ATPSCKMT: variants seen among roughly 807,000 people sequenced by gnomAD.
ATPSCKMT encodes the protein ATP synthase c subunit lysine N-methyltransferase.
In ATPSCKMT, 24 loss-of-function variants were observed where a neutral mutation model predicts 24.3. The ratio of observed to expected loss-of-function variants is 0.99; its 90% CI spans 0.71 to 1.39. The LOEUF is 1.39. ATPSCKMT is among the 40% of genes most tolerant of loss of function. ATPSCKMT has a pLI of 0.00. For missense variants in ATPSCKMT, 311 were observed against 298.4 expected (o/e 1.04, Z -0.31); for synonymous variants, 95 against 110.5 (o/e 0.86, Z 0.88).
At chr5:10,233,606 T>C (rs1384020030) in intron 4 of ATPSCKMT, among the ~76,000 whole-genome samples, 1 of 150,372 alleles carries the variant, frequency 6.7e-6, no homozygotes, top group African/African-American at 2.5e-5. Flanking sequence ...GTCAGTCTAC[T>C]TCAAACATGG....
At position 10,239,215 on chromosome 5, in the gene ATPSCKMT, G is replaced by C. The variant is rs762692068; in HGVS notation, c.158C>G (p.Ala53Gly). Residue 53 changes from alanine to glycine, a missense_variant, in exon 2 of 5, where the codon GCT (alanine) becomes GGT (glycine). Coordinates refer to ENST00000511437, the MANE Select transcript of ATPSCKMT (RefSeq NM_199133.4). The stretch of plus-strand genomic sequence containing the variant: ...TGGCGTTACAAACGGCGTGGCTACA[G>C]CGTACACAGCCACCAGGGTGCCACC... Reference protein sequence around the residue: ...LVGGTLVAVYAVATPFVTPAL... With the variant: ...LVGGTLVAVYGVATPFVTPAL... 1.4e-5 allele frequency: 23 copies of C among 1,614,096 alleles called. No homozygotes were observed. In the South Asian group the frequency reaches 2.4e-4, roughly 17 times the overall value.
At chr5:10,244,033 G>T (rs1457275337) in intron 1 of ATPSCKMT, among the ~76,000 whole-genome samples, 1 of 152,126 alleles carries the variant, frequency 6.6e-6, no homozygotes, top group African/African-American at 2.4e-5. Flanking sequence ...TGAACACCTG[G>T]AGCCCATTGT....
chr5:10,243,300 A>G (rs1221599962), intron 1 of ATPSCKMT, among the ~76,000 whole-genome samples: 1 of 152,150 alleles, frequency 6.6e-6, no homozygotes, highest in Non-Finnish European at 1.5e-5. Flanking sequence ...TCTGACCAAC[A>G]TGGTGAAGCC....
chr5:10,247,461 C>T (rs1744986404), intron 1 of ATPSCKMT, among the ~76,000 whole-genome samples: 1 of 152,212 alleles, frequency 6.6e-6, no homozygotes, highest in African/African-American at 2.4e-5. Context: ...CCACTTCAGC[C>T]TCCCAGGTAG....
At chr5:10,241,379 T>C (rs1476327573) in intron 1 of ATPSCKMT, among the ~76,000 whole-genome samples, 1 of 152,196 alleles carries the variant, frequency 6.6e-6, no homozygotes, top group Non-Finnish European at 1.5e-5. Context: ...ACCCATGAAC[T>C]ACGGCAATCT....
chr5:10,235,114 G>C (rs778212047), intron 4 of ATPSCKMT, 97 bp downstream of exon 4: 1 of 1,025,484 alleles, frequency 9.8e-7, no homozygotes, highest in African/African-American at 1.6e-5. Flanking sequence ...ATCTCTGGGA[G>C]GCCATCACCC....
At chr5:10,228,146 C>T (rs1743966447) in intron 4 of ATPSCKMT, among the ~76,000 whole-genome samples, 1 of 152,064 alleles carries the variant, frequency 6.6e-6, no homozygotes, top group African/African-American at 2.4e-5. Context: ...CGCCCAGCCA[C>T]ATTTTTGCAC....
At position 10,239,246 on chromosome 5, in the gene ATPSCKMT, G is replaced by A; in HGVS notation, c.127C>T (p.Leu43Phe). Residue 43 changes from leucine to phenylalanine, a missense_variant, in exon 2 of 5, where the codon CTT (leucine) becomes TTT (phenylalanine). By Grantham distance (22) the Leu-to-Phe change is conservative (BLOSUM62 0). Transcript: ENST00000511437. Reference protein sequence around the residue: ...KSNWGFLLTGLVGGTLVAVYA... With the variant: ...KSNWGFLLTGFVGGTLVAVYA... ...ACAGCCACCAGGGTGCCACCCACAA[G>A]CCCAGTAAGTAAGAACCCCCAGTTG... is the stretch of plus-strand genomic sequence containing the variant. 1 of 1,614,188 alleles carries A rather than the reference G, an allele frequency of 6.2e-7. No individual in the cohort carries two copies. Among genetic ancestry groups the A allele is most frequent in the Non-Finnish European group, 8.5e-7 (1 of 1,180,046 alleles).
At chr5:10,240,694 C>T (rs1237606277) in intron 1 of ATPSCKMT, among the ~76,000 whole-genome samples, 1 of 152,078 alleles carries the variant, frequency 6.6e-6, no homozygotes, top group African/African-American at 2.4e-5. Context: ...AAATTAGTGG[C>T]TTAAAATAAC....
At chr5:10,247,314 A>G (rs1303974438) in intron 1 of ATPSCKMT, among the ~76,000 whole-genome samples, 1 of 152,228 alleles carries the variant, frequency 6.6e-6, no homozygotes, top group Non-Finnish European at 1.5e-5. Flanking sequence ...CAATATAGGA[A>G]CTACATTGTT....
At chr5:10,232,548 G>A (rs1467912810) in intron 4 of ATPSCKMT, among the ~76,000 whole-genome samples, 2 of 152,238 alleles carry the variant, frequency 1.3e-5, no homozygotes, top group Non-Finnish European at 2.9e-5. Context: ...GCTGGAGCTC[G>A]CCTCATTGTC....
At chr5:10,249,269 A>C (rs1363785124) in intron 1 of ATPSCKMT, 1 of 152,022 alleles carries the variant, frequency 6.6e-6, no homozygotes, top group Non-Finnish European at 1.5e-5. Context: ...CTCAAAAAAA[A>C]AAAAAAAAAA....
intron 4 of ATPSCKMT, among the ~76,000 whole-genome samples, chr5:10,228,469 G>A (rs906685): frequency 0.93 from 141,039 of 152,264 alleles, 65,471 homozygotes; most frequent in Middle Eastern, 0.99. Context: ...TTATTTGCTA[G>A]AAGTATTGAT....
rs1743843721 is a variant in ATPSCKMT, at chr5:10,225,592, G to A, written c.*1849C>T. ...GAATGGTAGTAGGCAAAAAGAGCTT[G>A]TGCAGGAAAACTCCCCCCTAAAATA... On this transcript the variant is annotated 3_prime_UTR_variant, in exon 5 of 5. Transcript: ENST00000511437. Among the ~76,000 whole-genome samples, 1 of 152,118 alleles carries A rather than the reference G, an allele frequency of 6.6e-6. No homozygotes were observed. The highest frequency in any genetic ancestry group is 6.6e-5 in the Admixed American group (1 of 15,260).
chr5:10,235,140 G>C (rs377144445), intron 4 of ATPSCKMT, 71 bp downstream of exon 4: 10 of 1,396,308 alleles, frequency 7.2e-6, no homozygotes, highest in Middle Eastern at 1.8e-4. Context: ...CGGGTGAGTG[G>C]TGGTGTTGTG....
chr5:10,236,965 T>C, intron 2 of ATPSCKMT: 1 of 1,320,562 alleles, frequency 7.6e-7, no homozygotes, highest in East Asian at 5.0e-5. Flanking sequence ...ATCAGTGGGC[T>C]AGCACAGCAG....
intron 1 of ATPSCKMT, among the ~76,000 whole-genome samples, chr5:10,242,144 A>G (rs1744673174): frequency 6.6e-6 from 1 of 152,178 alleles, no homozygotes; most frequent in African/African-American, 2.4e-5. Context: ...AAAATAAGAC[A>G]ACAATGAAGT....
At chr5:10,237,232 C>G (rs1409941116) in intron 2 of ATPSCKMT, among the ~76,000 whole-genome samples, 1 of 152,176 alleles carries the variant, frequency 6.6e-6, no homozygotes, top group East Asian at 1.9e-4. Context: ...TGTCCTGCCC[C>G]ATTCTTTAAG....
At chr5:10,229,942 G>A (rs1744047316) in intron 4 of ATPSCKMT, among the ~76,000 whole-genome samples, 1 of 152,162 alleles carries the variant, frequency 6.6e-6, no homozygotes, top group Non-Finnish European at 1.5e-5. Context: ...AAATGTTCCT[G>A]GCTTTTGTAT....
Sources: allele counts gnomAD v4.1 joint callset (sites outside exome capture counted in the v4.1 genomes callset), GRCh38; gene constraint gnomAD v4.1.1; transcripts MANE v1.5; gene names NCBI Gene and HGNC (gene_info 2026-07-23, HGNC 2026-07-21).